Variants in TAF4 observed in about 807,000 individuals in gnomAD.
TAF4 encodes transcription initiation factor TFIID subunit 4.
Under a neutral mutation model 90.3 loss-of-function variants are expected in TAF4, and 9 were observed. The ratio of observed to expected loss-of-function variants is 0.10; its 90% CI spans 0.06 to 0.17. The LOEUF (loss-of-function observed/expected upper bound fraction) is 0.17. Among genes scored for constraint, TAF4 ranks in the 10% least tolerant of loss-of-function variants. TAF4 has a pLI of 1.00. For missense variants in TAF4, 1,351 were observed against 1,370.7 expected, an observed-to-expected ratio of 0.99 and a Z score of 0.23; for synonymous variants, 818 against 638.9, an observed-to-expected ratio of 1.28 and a Z score of -4.23.
chr20:62,056,162 G>A (rs561268857), intron 1 of TAF4, among the ~76,000 whole-genome samples: 130 of 152,288 alleles, frequency 8.5e-4, no homozygotes, highest in Non-Finnish European at 1.5e-3. Context: ...ACCTGATCCC[G>A]GGAGGCGGAG....
At position 61,976,148 on chromosome 20, in the gene TAF4, T is replaced by G. The variant is rs772552759; in HGVS notation, c.*20A>C. On this transcript the variant is annotated 3_prime_UTR_variant, in exon 15 of 15. Coordinates refer to ENST00000252996, the MANE Select transcript of TAF4 (RefSeq NM_003185.4). ...GCGTAATCTGCAAATATATAAAAAG[T>G]CCCCAGGCGTCCTCCTGTGTCACTT... 2 of 1,610,650 alleles carry G rather than the reference T, an allele frequency of 1.2e-6. No individual in the cohort carries two copies. The highest frequency in any genetic ancestry group is 2.7e-5 in the African/African-American group (2 of 74,844).
At chr20:62,042,969 G>A (rs956839348) in intron 1 of TAF4, among the ~76,000 whole-genome samples, 3 of 152,138 alleles carry the variant, frequency 2.0e-5, no homozygotes, top group African/African-American at 4.8e-5. Flanking sequence ...CTAGGCTAAC[G>A]TGTGCTTGTG....
chr20:62,030,128 G>A (rs924604196), intron 1 of TAF4, among the ~76,000 whole-genome samples: 6 of 152,178 alleles, frequency 3.9e-5, no homozygotes, highest in African/African-American at 9.6e-5. Flanking sequence ...AGGGGTGTGC[G>A]GCCACGTGCA....
chr20:62,050,558 G>C (rs1466563041), intron 1 of TAF4, among the ~76,000 whole-genome samples: 1 of 150,280 alleles, frequency 6.7e-6, no homozygotes, highest in Admixed American at 6.7e-5. Flanking sequence ...ACCAAAACAA[G>C]AGTAAAGGAA....
In TAF4 at chr20:62,065,452, G is replaced by A. The variant is rs1438614723; in HGVS notation, c.359C>T (p.Ala120Val). The change falls in exon 1 of 15, where the codon GCG becomes GTG. Residue 120 changes from alanine to valine, a missense_variant. Coordinates refer to ENST00000252996, the MANE Select transcript of TAF4 (RefSeq NM_003185.4). ...CGGCCTCAGCTTCGCGGCGGGCGGCGCGGGCCCTGCGGGGACAAGGGGGCG... is the reference window on the plus strand; with the variant it reads ...CGGCCTCAGCTTCGCGGCGGGCGGCACGGGCCCTGCGGGGACAAGGGGGCG... ...PRRPLVPAGPAPPAAKLRPPP... is the reference protein window; with the variant it reads ...PRRPLVPAGPVPPAAKLRPPP... 3 of 976,522 alleles carry A rather than the reference G, an allele frequency of 3.1e-6. No homozygotes were observed. Among genetic ancestry groups the A allele is most frequent in the African/African-American group, 3.6e-5 (2 of 56,122 alleles). 60.5% of individuals were successfully genotyped at this position (976,522 alleles called of 1,614,324 possible).
At chr20:61,986,925 T>G (rs1264878265) in intron 14 of TAF4, among the ~76,000 whole-genome samples, 1 of 152,228 alleles carries the variant, frequency 6.6e-6, no homozygotes, top group South Asian at 2.1e-4. Context: ...GGCAGCGTCC[T>G]TGCGAATGCC....
intron 6 of TAF4, 109 bp downstream of exon 6, chr20:62,007,438 G>T: frequency 2.9e-6 from 3 of 1,029,840 alleles, no homozygotes; most frequent in Non-Finnish European, 4.4e-6. Context: ...CAGCACAAGC[G>T]CTGTGCACCC....
intron 1 of TAF4, among the ~76,000 whole-genome samples, chr20:62,018,474 G>T (rs1600846335): frequency 6.6e-6 from 1 of 152,358 alleles, no homozygotes; most frequent in East Asian, 1.9e-4. Flanking sequence ...CGTGGTTACG[G>T]GCGGCACCTG....
rs781580363 is a variant in TAF4, at chr20:61,976,361, T to C, written c.3091-26A>G. The C allele has an allele frequency of 1.3e-5, 21 of 1,611,196 alleles. No homozygotes were observed. The East Asian group carries it at 1.8e-4, about 14-fold the overall frequency. ...CTGGTGATGAAAAAGGAGAAGACAG[T>C]GTGTTAGTGGGGCTCAGAGTGGGGC... On this transcript the variant is annotated intron_variant, in intron 14 of 14. Coordinates refer to ENST00000252996, the MANE Select transcript of TAF4 (RefSeq NM_003185.4).
chr20:62,028,227 T>C (rs753916041), intron 1 of TAF4, among the ~76,000 whole-genome samples: 9 of 152,178 alleles, frequency 5.9e-5, no homozygotes, highest in Admixed American at 1.3e-4. Flanking sequence ...TCTGGCCTTT[T>C]TGCCTACCAG....
intron 1 of TAF4, among the ~76,000 whole-genome samples, chr20:62,032,940 G>A (rs181926272): frequency 2.2e-4 from 33 of 152,216 alleles, no homozygotes; most frequent in Non-Finnish European, 3.8e-4. Context: ...CCTGCCACCA[G>A]CAGATCTTCT....
At chr20:61,981,757 C>G (rs1336398094) in intron 14 of TAF4, among the ~76,000 whole-genome samples, 1 of 151,446 alleles carries the variant, frequency 6.6e-6, no homozygotes, top group Non-Finnish European at 1.5e-5. Flanking sequence ...AAACCACACC[C>G]CACCCGAGAG....
intron 1 of TAF4, among the ~76,000 whole-genome samples, chr20:62,034,913 C>T (rs1010384419): frequency 4.6e-5 from 7 of 151,072 alleles, no homozygotes; most frequent in East Asian, 4.0e-4. Context: ...CTCCGCCTCC[C>T]GGGTTCACGC....
At chr20:62,011,487 G>A (rs997630855) in intron 3 of TAF4, among the ~76,000 whole-genome samples, 9 of 152,256 alleles carry the variant, frequency 5.9e-5, no homozygotes, top group Admixed American at 3.3e-4. Flanking sequence ...AAATCCAGAC[G>A]CACCAATCAG....
At chr20:62,061,024 C>T (rs1286070049) in intron 1 of TAF4, among the ~76,000 whole-genome samples, 1 of 152,278 alleles carries the variant, frequency 6.6e-6, no homozygotes, top group African/African-American at 2.4e-5. Context: ...CCCCACTTTA[C>T]AGCTGGGTAA....
chr20:62,030,723 G>A (rs965044661), intron 1 of TAF4, among the ~76,000 whole-genome samples: 2 of 152,172 alleles, frequency 1.3e-5, no homozygotes, highest in African/African-American at 4.8e-5. Flanking sequence ...ACTTTACTAA[G>A]TTGCCAATAA....
intron 9 of TAF4, 142 bp from the exon 10 acceptor site, chr20:62,000,863 C>A: frequency 1.3e-6 from 1 of 785,914 alleles, no homozygotes. Flanking sequence ...CCTGCACCTG[C>A]TGCATCTGCC....
At chr20:62,050,187 G>A (rs1373752904) in intron 1 of TAF4, among the ~76,000 whole-genome samples, 3 of 152,180 alleles carry the variant, frequency 2.0e-5, no homozygotes, top group African/African-American at 7.2e-5. Context: ...AGAAGGTTCT[G>A]CACAGCAGCG....
Position 62,010,279 on chromosome 20 carries a change from C to T in TAF4, c.1642-114G>A. On this transcript the variant is annotated intron_variant, in intron 3 of 14. Coordinates refer to ENST00000252996, the MANE Select transcript of TAF4 (RefSeq NM_003185.4). This position sits in a 1 kb window ranked among gnomAD's most constrained non-coding sequence, Gnocchi z 4.5. ...AAGCCTCCCTGCGGTGGCCAGGACG[C>T]CCAGGAAGCCAAGGACCCCGGCCAC... 6.6e-7 allele frequency: 1 copy of T among 1,509,252 alleles called. No individual in the cohort carries two copies. The highest frequency in any genetic ancestry group is 2.3e-5 in the East Asian group (1 of 43,184). The allele number at this position is 1,509,252 out of a possible 1,614,324, so 93.5% of individuals were successfully genotyped here.
Sources: gnomAD v4.1 joint callset for allele counts (sites outside exome capture counted in the v4.1 genomes callset) on GRCh38, gnomAD v4.1.1 for gene constraint, Gnocchi (gnomAD v3.1) non-coding constraint, MANE v1.5 for transcripts, NCBI Gene and HGNC (gene_info 2026-07-23, HGNC 2026-07-21) for gene names.